STK33: variants seen among roughly 807,000 people sequenced by gnomAD.
STK33 encodes serine/threonine-protein kinase 33.
A neutral mutation model predicts 58.0 loss-of-function variants in STK33; 52 were observed. That is an observed-to-expected ratio of 0.90 (90% CI 0.72 to 1.13). The LOEUF (loss-of-function observed/expected upper bound fraction) is 1.13. Ranked by LOEUF, STK33 falls within the 50% of genes most tolerant of loss-of-function variation. The probability of loss-of-function intolerance (pLI) is 0.00; values close to 1 mark genes in which losing one functional copy is unlikely to be tolerated. For synonymous variants in STK33, 215 were observed against 200.1 expected (o/e 1.07, Z -0.63); for missense variants, 630 against 604.2 (o/e 1.04, Z -0.45).
chr11:8,506,735 G>A (rs1951890442), intron 1 of STK33, among the ~76,000 whole-genome samples: 1 of 152,110 alleles, frequency 6.6e-6, no homozygotes, highest in African/African-American at 2.4e-5. Flanking sequence ...CCTTTGGGGG[G>A]CCGTTATTCT....
rs370154354 is a variant in STK33, at chr11:8,574,781, G to A, written c.-466+19302C>T. Among the ~76,000 whole-genome samples, 306 of 152,152 alleles carry A rather than the reference G, an allele frequency of 2.0e-3. 2 individuals carry two copies. Among genetic ancestry groups the A allele is most frequent in the African/African-American group, 7.0e-3 (291 of 41,508 alleles). Reference sequence around the variant, plus strand: ...AGGCTAGGCATGGTGGCTCATGCCTGTAATCCCAACACTTTGGGGTGCCAG... The same window carrying A: ...AGGCTAGGCATGGTGGCTCATGCCTATAATCCCAACACTTTGGGGTGCCAG... On this transcript the variant is annotated intron_variant, in intron 1 of 15. Coordinates refer to ENST00000687296, the MANE Select transcript of STK33 (RefSeq NM_001352389.2).
chr11:8,435,673 A>T, intron 13 of STK33, 94 bp from the exon 14 acceptor site: 1 of 607,392 alleles, frequency 1.6e-6, no homozygotes, highest in Non-Finnish European at 2.6e-6. Context: ...GTATAACAGG[A>T]AAGAAAGATG....
intron 1 of STK33, among the ~76,000 whole-genome samples, chr11:8,486,510 G>A (rs1291967757): frequency 6.6e-6 from 1 of 152,210 alleles, no homozygotes; most frequent in South Asian, 2.1e-4. Flanking sequence ...AAAATCTTGA[G>A]TCTTGGTTGA....
At chr11:8,377,599 T>C in the STK33 span, among the ~76,000 whole-genome samples, 1 of 152,160 alleles carries the variant, frequency 6.6e-6, no homozygotes, top group Non-Finnish European at 1.5e-5. Flanking sequence ...CTATTCAATA[T>C]AGTACTGGAA....
intron 1 of STK33, among the ~76,000 whole-genome samples, chr11:8,575,884 A>T (rs1958146799): frequency 6.6e-6 from 1 of 152,180 alleles, no homozygotes; most frequent in Admixed American, 6.5e-5. Context: ...TCATCTCAAT[A>T]GATGCAGGCT....
chr11:8,509,188 T>C (rs928660389), intron 1 of STK33, among the ~76,000 whole-genome samples: 4 of 150,942 alleles, frequency 2.7e-5, no homozygotes, highest in Non-Finnish European at 4.4e-5. Context: ...GTCTGATCTA[T>C]ATTAAGTACA....
the STK33 span, among the ~76,000 whole-genome samples, chr11:8,341,549 T>C: frequency 6.6e-6 from 1 of 152,206 alleles, no homozygotes; most frequent in Admixed American, 6.5e-5. Flanking sequence ...GTTGGCAATA[T>C]GCCCTCAAAG....
chr11:8,487,843 A>G (rs1565168109), intron 1 of STK33, among the ~76,000 whole-genome samples: 1 of 152,252 alleles, frequency 6.6e-6, no homozygotes, highest in Non-Finnish European at 1.5e-5. Context: ...AAACTTTTTC[A>G]TAACTCTAGA....
chr11:8,585,932 C>T (rs569246955), intron 1 of STK33, among the ~76,000 whole-genome samples: 1 of 152,058 alleles, frequency 6.6e-6, no homozygotes, highest in Non-Finnish European at 1.5e-5. Flanking sequence ...ACACACCTAT[C>T]ATCCCAGCTA....
At chr11:8,530,800 G>A (rs971780322) in intron 1 of STK33, among the ~76,000 whole-genome samples, 2 of 152,038 alleles carry the variant, frequency 1.3e-5, no homozygotes, top group African/African-American at 2.4e-5. Flanking sequence ...AGCAATTCTC[G>A]TGCCTCAGCC....
chr11:8,384,612 G>A, the STK33 span, among the ~76,000 whole-genome samples: 1 of 152,224 alleles, frequency 6.6e-6, no homozygotes, highest in Non-Finnish European at 1.5e-5. Context: ...AGCAGAAATA[G>A]TGAAAGTATT....
At chr11:8,468,775 T>C (rs1427005552) in intron 6 of STK33, among the ~76,000 whole-genome samples, 2 of 152,160 alleles carry the variant, frequency 1.3e-5, no homozygotes, top group East Asian at 1.9e-4. Flanking sequence ...TATTCTTATA[T>C]TTATATGCAA....
At chr11:8,391,674 T>C (rs540081056), downstream of STK33, among the ~76,000 whole-genome samples, 2 of 152,340 alleles carry the variant, frequency 1.3e-5, no homozygotes, top group Non-Finnish European at 1.5e-5. Context: ...TGACTTCAAC[T>C]GGCAAAATTA....
chr11:8,567,585 G>A (rs1193499438), intron 1 of STK33, among the ~76,000 whole-genome samples: 2 of 152,124 alleles, frequency 1.3e-5, no homozygotes, highest in Admixed American at 6.6e-5. Flanking sequence ...CAAAATATAT[G>A]AGCTATGCCT....
intron 1 of STK33, among the ~76,000 whole-genome samples, chr11:8,555,842 A>T (rs1956710938): frequency 6.6e-6 from 1 of 152,188 alleles, no homozygotes; most frequent in Admixed American, 6.5e-5. Flanking sequence ...GATGTCAATT[A>T]AAAATAATAA....
intron 4 of STK33, chr11:8,475,591 G>C (rs1949191085): frequency 6.6e-6 from 1 of 152,152 alleles, no homozygotes; most frequent in Non-Finnish European, 1.5e-5. Flanking sequence ...AATCCTAAAA[G>C]TTTAAGTATC....
At chr11:8,467,269 T>G (rs1260255197) in intron 6 of STK33, 2 of 152,216 alleles carry the variant, frequency 1.3e-5, no homozygotes, top group Non-Finnish European at 2.9e-5. Flanking sequence ...TCCAAATTTT[T>G]ATGCTCTGCT....
rs1944782683 is a variant in STK33, at chr11:8,441,828, ATTG to A, written c.872-1078_872-1076del. 4.6e-5 allele frequency among the ~76,000 whole-genome samples: 7 copies of A among 152,294 alleles called. No individual in the cohort carries two copies. The South Asian group carries it at 1.5e-3, about 32-fold the overall frequency. ...CTTTAAAATTTATACTTTTGCATAAATTGTTATTTGTATGAAGTATGTTAAGAA... is the reference window on the plus strand; with the variant it reads ...CTTTAAAATTTATACTTTTGCATAAATTATTTGTATGAAGTATGTTAAGAA... On this transcript the variant is annotated intron_variant, in intron 11 of 15. Coordinates refer to ENST00000687296, the MANE Select transcript of STK33 (RefSeq NM_001352389.2).
chr11:8,344,492 G>A, the STK33 span, among the ~76,000 whole-genome samples: 1 of 152,228 alleles, frequency 6.6e-6, no homozygotes, highest in Non-Finnish European at 1.5e-5. Flanking sequence ...AATTGTATGA[G>A]GTAGTTACTA....
Sources: gnomAD v4.1 joint callset for allele counts (sites outside exome capture counted in the v4.1 genomes callset) on GRCh38, gnomAD v4.1.1 for gene constraint, MANE v1.5 for transcripts, NCBI Gene and HGNC (gene_info 2026-07-23, HGNC 2026-07-21) for gene names.